Variants in ZC3H3 observed in about 807,000 individuals in gnomAD.
The protein encoded by ZC3H3 is zinc finger CCCH domain-containing protein 3.
In ZC3H3, 36 loss-of-function variants were observed where a neutral mutation model predicts 77.3. The observed-to-expected ratio is 0.47, with a 90% CI of 0.36 to 0.61. The LOEUF (loss-of-function observed/expected upper bound fraction) is 0.61. Ranked by LOEUF, ZC3H3 falls within the 20% of genes least tolerant of loss-of-function variation. The probability of loss-of-function intolerance (pLI) is 0.00; values close to 1 mark genes in which losing one functional copy is unlikely to be tolerated. For synonymous variants in ZC3H3, 626 were observed against 555.2 expected (o/e 1.13, Z -1.79); for missense variants, 1,331 against 1,312.2 (o/e 1.01, Z -0.22).
At chr8:143,537,295 C>T (rs1025893817) in intron 2 of ZC3H3, among the ~76,000 whole-genome samples, 1 of 152,216 alleles carries the variant, frequency 6.6e-6, no homozygotes, top group Non-Finnish European at 1.5e-5. Context: ...GACCTAACAC[C>T]AATCTGCTCG....
In ZC3H3 at chr8:143,471,979, G is replaced by T. The variant is rs371780465; in HGVS notation, c.1904-3320C>A. On this transcript the variant is annotated intron_variant, in intron 5 of 11. Coordinates refer to ENST00000262577, the MANE Select transcript of ZC3H3 (RefSeq NM_015117.3). ...GCCTGTCGACCCAAAGGGCGAGTGC[G>T]GCCTCACTGGGCTCTGCACAGCCCC... 2.0e-5 allele frequency among the ~76,000 whole-genome samples: 3 copies of T among 152,216 alleles called. No homozygotes were observed. In the East Asian group the frequency reaches 5.8e-4, roughly 29 times the overall value.
chr8:143,440,216 T>C lies in ZC3H3; in HGVS notation c.2640A>G (p.Ser880=), dbSNP rs1819699837. The C allele has an allele frequency of 1.3e-6, 2 of 1,568,194 alleles. No individual in the cohort carries two copies. The highest frequency in any genetic ancestry group is 1.7e-6 in the Non-Finnish European group (2 of 1,147,916). Residue 880 remains serine, a synonymous_variant, in exon 11 of 12, where the codon TCA becomes TCG. Transcript: ENST00000262577. ...SKASSSSSSS[S]SPPASLDHEA... ...CGTGGTCCAAGGAAGCGGGAGGGGA[T>C]GAGGAGGAGGAGGAGGAGGAGGAAG... is the stretch of plus-strand genomic sequence containing the variant.
intron 4 of ZC3H3, among the ~76,000 whole-genome samples, chr8:143,506,296 G>A (rs1164341282): frequency 3.9e-5 from 6 of 152,216 alleles, no homozygotes; most frequent in Admixed American, 3.9e-4. Flanking sequence ...TCGGGCTGAC[G>A]ACGACCACAG....
At chr8:143,509,765 G>A (rs1821815479) in intron 3 of ZC3H3, among the ~76,000 whole-genome samples, 1 of 152,196 alleles carries the variant, frequency 6.6e-6, no homozygotes, top group Non-Finnish European at 1.5e-5. Context: ...GCCACCCTCG[G>A]GCCCCGGGGG....
chr8:143,534,377 C>T (rs578085170), intron 3 of ZC3H3, among the ~76,000 whole-genome samples: 70 of 152,126 alleles, frequency 4.6e-4, no homozygotes, highest in African/African-American at 1.6e-3. Flanking sequence ...AATGGTCAGC[C>T]GGTGAAGCTG....
chr8:143,464,105 G>A (rs573855803), intron 9 of ZC3H3, among the ~76,000 whole-genome samples: 3 of 152,390 alleles, frequency 2.0e-5, no homozygotes, highest in Non-Finnish European at 4.4e-5. Context: ...AACCCTCGCA[G>A]GCCCGGGCTG....
chr8:143,476,003 G>T (rs1240308654), intron 4 of ZC3H3, among the ~76,000 whole-genome samples: 2 of 152,336 alleles, frequency 1.3e-5, no homozygotes, highest in African/African-American at 4.8e-5. Context: ...GGTCCCTGGG[G>T]CTGCAGGGCA....
chr8:143,484,195 G>A (rs892181694), intron 4 of ZC3H3, among the ~76,000 whole-genome samples: 1 of 152,200 alleles, frequency 6.6e-6, no homozygotes, highest in Non-Finnish European at 1.5e-5. Flanking sequence ...TGGGGTGGAG[G>A]CTCTGTTGTG....
At chr8:143,522,190 C>T (rs2060965) in intron 3 of ZC3H3, among the ~76,000 whole-genome samples, 1 of 152,146 alleles carries the variant, frequency 6.6e-6, no homozygotes, top group Non-Finnish European at 1.5e-5. Flanking sequence ...TCACTGCAAA[C>T]GTCATGCTGC....
intron 3 of ZC3H3, among the ~76,000 whole-genome samples, chr8:143,516,600 C>A (rs957202116): frequency 6.6e-6 from 1 of 151,632 alleles, no homozygotes; most frequent in Admixed American, 6.6e-5. Flanking sequence ...TGCACATGCT[C>A]ACCCCACAAC....
rs1401190603 is a variant in ZC3H3, at chr8:143,530,203, C to G, written c.1561+6054G>C. Reference sequence around the variant, plus strand: ...ACCACGCAAGCCAGGCCCTTTCTGTCCACCACAGGTGTGCCCAGGACCTGC... The same window carrying G: ...ACCACGCAAGCCAGGCCCTTTCTGTGCACCACAGGTGTGCCCAGGACCTGC... On this transcript the variant is annotated intron_variant, in intron 3 of 11. Coordinates refer to ENST00000262577, the MANE Select transcript of ZC3H3 (RefSeq NM_015117.3). The surrounding 1 kb of genome is among the most constrained non-coding windows in gnomAD (Gnocchi z 4.3). Among the ~76,000 whole-genome samples the G allele has an allele frequency of 6.6e-6, 1 of 152,158 alleles. No homozygotes were observed. Among genetic ancestry groups the G allele is most frequent in the Non-Finnish European group, 1.5e-5 (1 of 68,022 alleles).
rs1444787849 is a variant in ZC3H3, at chr8:143,530,337, C to G, written c.1561+5920G>C. On this transcript the variant is annotated intron_variant, in intron 3 of 11. Transcript: ENST00000262577. The surrounding 1 kb of genome is among the most constrained non-coding windows in gnomAD (Gnocchi z 4.3). ...GCCACGGGGGAAGGGGGCAGGCCAC[C>G]GGCATGCATCCACCATCCTGGGTGG... 6.6e-6 allele frequency among the ~76,000 whole-genome samples: 1 copy of G among 152,210 alleles called. No homozygotes were observed. Among genetic ancestry groups the G allele is most frequent in the Non-Finnish European group, 1.5e-5 (1 of 68,030 alleles).
intron 8 of ZC3H3, among the ~76,000 whole-genome samples, chr8:143,466,685 A>G (rs1450806957): frequency 6.6e-6 from 1 of 152,008 alleles, no homozygotes; most frequent in Non-Finnish European, 1.5e-5. Flanking sequence ...CAGAACAAGG[A>G]TGTCACCGTC....
Position 143,507,740 on chromosome 8 carries a change from T to C in ZC3H3, c.1715+6A>G. 6.4e-7 allele frequency: 1 copy of C among 1,561,400 alleles called. No homozygotes were observed. Among genetic ancestry groups the C allele is most frequent in the Non-Finnish European group, 8.7e-7 (1 of 1,154,082 alleles). ...GCCTGCAGGAGCCTGCAGGAAGCCT[T>C]CCTACCTGGATAGTGAGAGCCGCCG... On this transcript the variant is annotated splice_donor_region_variant and intron_variant, in intron 4 of 11. Transcript: ENST00000262577.
rs976300449 is a variant in ZC3H3 at position 143,483,696 on chromosome 8, G to A, written c.1716-8111C>T. 1.1e-3 allele frequency among the ~76,000 whole-genome samples: 174 copies of A among 152,318 alleles called. 1 individual carries two copies. The Middle Eastern group carries it at 0.02, about 18-fold the overall frequency. On this transcript the variant is annotated intron_variant, in intron 4 of 11. Coordinates refer to ENST00000262577, the MANE Select transcript of ZC3H3 (RefSeq NM_015117.3). ...AATCTGACTACGTGGTGGCCACGCA[G>A]GCCTCACGATGGCTATGGCCACCTC...
At chr8:143,478,005 C>G (rs1039380778) in intron 4 of ZC3H3, among the ~76,000 whole-genome samples, 1 of 152,162 alleles carries the variant, frequency 6.6e-6, no homozygotes, top group Non-Finnish European at 1.5e-5. Flanking sequence ...GATGGTAAGT[C>G]TGCACTCTCG....
chr8:143,507,645 C>A lies in ZC3H3; in HGVS notation c.1715+101G>T, dbSNP rs542197413. ...CAACACCAAGCAGTTCTGGGATGTG[C>A]TCAGCTCCCCCTGGCCCTTGGATTC... On this transcript the variant is annotated intron_variant, in intron 4 of 11. Coordinates refer to ENST00000262577, the MANE Select transcript of ZC3H3 (RefSeq NM_015117.3). The A allele has an allele frequency of 2.0e-5, 27 of 1,337,238 alleles. No individual in the cohort carries two copies. The South Asian group carries it at 3.6e-4, about 18-fold the overall frequency. The allele number at this position is 1,337,238 out of a possible 1,614,324, so 82.8% of individuals were successfully genotyped here. A position where few individuals can be genotyped will look rare whatever the true frequency, so the allele number is the denominator to read the frequency against.
intron 3 of ZC3H3, among the ~76,000 whole-genome samples, chr8:143,511,808 A>G (rs1397016154): frequency 6.6e-6 from 1 of 152,238 alleles, no homozygotes; most frequent in Admixed American, 6.5e-5. Context: ...GGCCCAGCGC[A>G]AAGACAGCAA....
chr8:143,472,588 G>A (rs907461505), intron 5 of ZC3H3, among the ~76,000 whole-genome samples: 2 of 152,182 alleles, frequency 1.3e-5, no homozygotes, highest in African/African-American at 4.8e-5. Flanking sequence ...GTCTGAGGGG[G>A]CCAAGTGCAA....
Sources: gnomAD v4.1 joint callset for allele counts (sites outside exome capture counted in the v4.1 genomes callset) on GRCh38, gnomAD v4.1.1 for gene constraint, Gnocchi (gnomAD v3.1) non-coding constraint, MANE v1.5 for transcripts, NCBI Gene and HGNC (gene_info 2026-07-23, HGNC 2026-07-21) for gene names.